Variants in PPARD observed in about 807,000 individuals in gnomAD.
PPARD encodes the protein peroxisome proliferator activated receptor delta, also known as peroxisome proliferator-activated receptor delta.
In PPARD, 6 loss-of-function variants were observed where a neutral mutation model predicts 39.5. The observed-to-expected ratio is 0.15, with a 90% CI of 0.08 to 0.30. PPARD has a LOEUF of 0.30. Among genes scored for constraint, PPARD ranks in the 10% least tolerant of loss-of-function variants. PPARD has a pLI of 1.00. For synonymous variants in PPARD, 210 were observed against 231.3 expected, an observed-to-expected ratio of 0.91 and a Z score of 0.83; for missense variants, 397 against 596.8, an observed-to-expected ratio of 0.67 and a Z score of 3.49.
chr6:35,417,459 T>A (rs981314267), intron 3 of PPARD, among the ~76,000 whole-genome samples: 26 of 151,636 alleles, frequency 1.7e-4, no homozygotes, highest in Admixed American at 9.8e-4. Context: ...CTATTTTTTT[T>A]TTTTTACTTT....
intron 2 of PPARD, among the ~76,000 whole-genome samples, chr6:35,368,429 C>T (rs1762314631): frequency 6.6e-6 from 1 of 152,206 alleles, no homozygotes; most frequent in African/African-American, 2.4e-5. Flanking sequence ...GAGTCCCATA[C>T]TTGACTCAAC....
chr6:35,349,934 G>T (rs1761137161), intron 2 of PPARD, among the ~76,000 whole-genome samples: 1 of 151,886 alleles, frequency 6.6e-6, no homozygotes, highest in African/African-American at 2.4e-5. Flanking sequence ...TAGAGATGGG[G>T]TTTTGTCATG....
At chr6:35,419,948 C>G (rs537188015) in intron 3 of PPARD, among the ~76,000 whole-genome samples, 179 bp from the exon 4 acceptor site, 1 of 152,324 alleles carries the variant, frequency 6.6e-6, no homozygotes, top group Admixed American at 6.5e-5. Context: ...TTTGCCCATC[C>G]TCCCAGAGAA....
chr6:35,358,532 CTTATT>C (rs1175935558), intron 2 of PPARD, among the ~76,000 whole-genome samples: 2 of 152,206 alleles, frequency 1.3e-5, no homozygotes, highest in African/African-American at 4.8e-5. Flanking sequence ...GATCCCTGTT[CTTATT>C]TTAAGGCGTC....
rs1238842951 is a variant in PPARD at position 35,426,088 on chromosome 6, C to T, written c.*9C>T. 7 of 1,608,128 alleles carry T rather than the reference C, an allele frequency of 4.4e-6. No homozygotes were observed. The East Asian group carries it at 1.3e-4, about 31-fold the overall frequency. ...ACAAGGACATGTACTAACGGCGGCA[C>T]CCAGGCCTCCCTGCAGACTCCAATG... On this transcript the variant is annotated 3_prime_UTR_variant, in exon 8 of 8. Coordinates refer to ENST00000360694, the MANE Select transcript of PPARD (RefSeq NM_006238.5).
At chr6:35,387,459 C>G (rs1763736252) in intron 2 of PPARD, among the ~76,000 whole-genome samples, 1 of 152,020 alleles carries the variant, frequency 6.6e-6, no homozygotes, top group East Asian at 1.9e-4. Context: ...TGTTGTATGA[C>G]AGAAAGGGAC....
rs17847854 is a variant in PPARD at position 35,425,062 on chromosome 6, C to T, written c.1078+283C>T. 2.5e-6 allele frequency: 3 copies of T among 1,177,928 alleles called. No individual in the cohort carries two copies. Among genetic ancestry groups the T allele is most frequent in the East Asian group, 8.2e-5 (2 of 24,538 alleles). 73.0% of individuals were successfully genotyped at this position (1,177,928 alleles called of 1,614,324 possible). ...CCGAGGCGGGTGGATCACTTGAGGTCAGGAGTTCGAAACCAGCCTGGCCAA... is the reference window on the plus strand; with the variant it reads ...CCGAGGCGGGTGGATCACTTGAGGTTAGGAGTTCGAAACCAGCCTGGCCAA... On this transcript the variant is annotated intron_variant, in intron 7 of 7. Coordinates refer to ENST00000360694, the MANE Select transcript of PPARD (RefSeq NM_006238.5). This position sits in a 1 kb window ranked among gnomAD's most constrained non-coding sequence, Gnocchi z 4.5.
At chr6:35,399,419 A>C (rs1198018329) in intron 2 of PPARD, among the ~76,000 whole-genome samples, 2 of 144,512 alleles carry the variant, frequency 1.4e-5, no homozygotes, top group African/African-American at 5.1e-5. Flanking sequence ...AAAAAAAAAA[A>C]CAAAGGCTGG....
chr6:35,352,701 G>T (rs952956498), intron 2 of PPARD, among the ~76,000 whole-genome samples: 1 of 152,158 alleles, frequency 6.6e-6, no homozygotes, highest in African/African-American at 2.4e-5. Context: ...GCTGGGCTGG[G>T]TGTCCACGCT....
intron 2 of PPARD, among the ~76,000 whole-genome samples, chr6:35,353,998 C>T (rs111892892): frequency 0.021 from 3,191 of 152,072 alleles, 67 homozygotes; most frequent in African/African-American, 0.052. Context: ...TTTGGGAGGC[C>T]GAGGTGGGAG....
chr6:35,402,932 A>G (rs1001747602), intron 2 of PPARD, among the ~76,000 whole-genome samples: 4 of 152,166 alleles, frequency 2.6e-5, no homozygotes, highest in Non-Finnish European at 5.9e-5. Context: ...AGACGGGGCA[A>G]CCTCTGTCTT....
chr6:35,403,442 ACTT>A (rs1320361036), intron 2 of PPARD, among the ~76,000 whole-genome samples: 1 of 151,688 alleles, frequency 6.6e-6, no homozygotes, highest in Non-Finnish European at 1.5e-5. Flanking sequence ...GGTGGAATTC[ACTT>A]CTTTGGAGTA....
chr6:35,377,484 CAAA>C (rs1423936877), intron 2 of PPARD, among the ~76,000 whole-genome samples: 3 of 152,184 alleles, frequency 2.0e-5, no homozygotes, highest in African/African-American at 7.2e-5. Context: ...TACACTTCAG[CAAA>C]TTGAACTATT....
intron 2 of PPARD, among the ~76,000 whole-genome samples, chr6:35,406,250 C>T (rs1034862947): frequency 1.3e-5 from 2 of 152,128 alleles, no homozygotes; most frequent in African/African-American, 4.8e-5. Flanking sequence ...AGTGCCAGGG[C>T]TTAAGAAAGG....
intron 2 of PPARD, among the ~76,000 whole-genome samples, chr6:35,369,035 A>G (rs1052024614): frequency 1.3e-5 from 2 of 152,232 alleles, no homozygotes; most frequent in African/African-American, 4.8e-5. Flanking sequence ...TGCCTTGGAC[A>G]TACTTAAGGT....
At chr6:35,402,521 A>T (rs538643689) in intron 2 of PPARD, among the ~76,000 whole-genome samples, 13 of 152,224 alleles carry the variant, frequency 8.5e-5, no homozygotes, top group African/African-American at 2.4e-4. Context: ...TCTCCAGGAC[A>T]TTCTCCAGCC....
chr6:35,419,968 AC>A (rs1273272868), intron 3 of PPARD, among the ~76,000 whole-genome samples, 158 bp from the exon 4 acceptor site: 1 of 152,114 alleles, frequency 6.6e-6, no homozygotes, highest in Non-Finnish European at 1.5e-5. Context: ...AGCTGTCAGT[AC>A]CCCCTGTTCT....
chr6:35,424,950 CATT>C lies in PPARD; in HGVS notation c.1078+174_1078+176del. Reference sequence around the variant, plus strand: ...TGAGCATGCAGGATCAGCTCCATCTCATTATGTACGTAGATAGAGGTGGAGACA... The same window carrying C: ...TGAGCATGCAGGATCAGCTCCATCTCATGTACGTAGATAGAGGTGGAGACA... On this transcript the variant is annotated intron_variant, in intron 7 of 7. Coordinates refer to ENST00000360694, the MANE Select transcript of PPARD (RefSeq NM_006238.5). The surrounding 1 kb of genome is among the most constrained non-coding windows in gnomAD (Gnocchi z 7.1). The C allele has an allele frequency of 7.0e-7, 1 of 1,435,788 alleles. No individual in the cohort carries two copies. Among genetic ancestry groups the C allele is most frequent in the Non-Finnish European group, 9.1e-7 (1 of 1,099,518 alleles). 88.9% of individuals were successfully genotyped at this position (1,435,788 alleles called of 1,614,324 possible).
rs536931294 is a variant in PPARD at position 35,366,748 on chromosome 6, C to T, written c.-102+19598C>T. Among the ~76,000 whole-genome samples, 9 of 152,130 alleles carry T rather than the reference C, an allele frequency of 5.9e-5. No homozygotes were observed. The highest frequency in any genetic ancestry group is 1.9e-4 in the African/African-American group (8 of 41,492). On this transcript the variant is annotated intron_variant, in intron 2 of 7. Coordinates refer to ENST00000360694, the MANE Select transcript of PPARD (RefSeq NM_006238.5). This position sits in a 1 kb window ranked among gnomAD's most constrained non-coding sequence, Gnocchi z 4.6. ...TATTTTTAGTAGAAATGGGGTTTCA[C>T]GGTGTTGGCCAGGCTGGTCTTGAAC...
Sources: gnomAD v4.1 joint callset for allele counts (sites outside exome capture counted in the v4.1 genomes callset) on GRCh38, gnomAD v4.1.1 for gene constraint, Gnocchi (gnomAD v3.1) non-coding constraint, MANE v1.5 for transcripts, NCBI Gene and HGNC (gene_info 2026-07-23, HGNC 2026-07-21) for gene names.